The following WAC variants were observed in gnomAD, a reference collection of about 807,000 sequenced individuals.
The protein encoded by WAC is WW domain-containing adapter protein with coiled-coil.
WAC carries 11 observed loss-of-function variants against 79.6 expected under a neutral mutation model. That is an observed-to-expected ratio of 0.14 (90% CI 0.09 to 0.23). WAC has a LOEUF of 0.23. WAC is among the 10% of genes least tolerant of loss of function. The probability of loss-of-function intolerance (pLI) is 1.00; values close to 1 mark genes in which losing one functional copy is unlikely to be tolerated. For synonymous variants in WAC, 304 were observed against 276.9 expected (o/e 1.10, Z -0.97); for missense variants, 728 against 773.5 (o/e 0.94, Z 0.70).
chr10:28,549,541 C>T (rs1329299117), intron 3 of WAC, among the ~76,000 whole-genome samples: 1 of 152,182 alleles, frequency 6.6e-6, no homozygotes, highest in Non-Finnish European at 1.5e-5. Flanking sequence ...TTCCAGAACT[C>T]ATTGCCCTGT....
chr10:28,611,038 G>GAATAC, intron 9 of WAC: 1 of 599,590 alleles, frequency 1.7e-6, no homozygotes, highest in Non-Finnish European at 2.7e-6. Context: ...TTTGTCTTAA[G>GAATAC]GTATTGCCAT....
At chr10:28,599,030 CTG>C (rs1337132286) in intron 7 of WAC, among the ~76,000 whole-genome samples, 1 of 152,104 alleles carries the variant, frequency 6.6e-6, no homozygotes, top group Non-Finnish European at 1.5e-5. Context: ...TCCATTTAGT[CTG>C]TTTAGATTGT....
intron 3 of WAC, among the ~76,000 whole-genome samples, chr10:28,556,440 T>C (rs960706162): frequency 6.8e-6 from 1 of 146,760 alleles, no homozygotes; most frequent in African/African-American, 2.5e-5. Context: ...GAGTTCCTTA[T>C]AGATTTTGGA....
chr10:28,556,185 T>A (rs148082577), intron 3 of WAC, among the ~76,000 whole-genome samples: 1 of 152,268 alleles, frequency 6.6e-6, no homozygotes, highest in African/African-American at 2.4e-5. Flanking sequence ...CCACCAATAG[T>A]GTACAAAGGT....
At chr10:28,535,363 A>G (rs908280200) in intron 2 of WAC, 199 bp from the exon 3 acceptor site, 5 of 381,194 alleles carry the variant, frequency 1.3e-5, no homozygotes, top group African/African-American at 2.2e-5. Flanking sequence ...GTGATTTGTT[A>G]TCAGGAGTCT....
At chr10:28,566,724 A>G (rs574661368) in intron 3 of WAC, among the ~76,000 whole-genome samples, 17 of 152,332 alleles carry the variant, frequency 1.1e-4, no homozygotes, top group Admixed American at 3.9e-4. Context: ...GAAAAGTCCA[A>G]GGTCAGCCCA....
chr10:28,547,733 C>T (rs950143691), intron 3 of WAC, among the ~76,000 whole-genome samples: 2 of 151,634 alleles, frequency 1.3e-5, no homozygotes, highest in Non-Finnish European at 2.9e-5. Flanking sequence ...GGATAGATAC[C>T]CATTGGGATG....
intron 6 of WAC, 126 bp from the exon 7 acceptor site, chr10:28,595,607 T>C: frequency 1.1e-6 from 1 of 950,866 alleles, no homozygotes; most frequent in East Asian, 2.6e-5. Context: ...TGCAGTTTTA[T>C]AAAAGAATAT....
chr10:28,573,755 G>C (rs1238854513), intron 3 of WAC, among the ~76,000 whole-genome samples: 2 of 152,126 alleles, frequency 1.3e-5, no homozygotes, highest in Non-Finnish European at 2.9e-5. Flanking sequence ...CATTTGAAGT[G>C]TATAGTTCAC....
chr10:28,593,743 A>G (rs1962927401), intron 6 of WAC, among the ~76,000 whole-genome samples: 1 of 149,570 alleles, frequency 6.7e-6, no homozygotes, highest in Non-Finnish European at 1.5e-5. Context: ...AAAAAAAAAA[A>G]TAAAATATTT....
rs569124090 is a variant in WAC, at chr10:28,620,271, T to C, written c.*665T>C. The C allele has an allele frequency of 6.5e-6, 1 of 152,796 alleles. No homozygotes were observed. The highest frequency in any genetic ancestry group is 1.5e-5 in the Non-Finnish European group (1 of 68,050). 9.5% of individuals were successfully genotyped at this position (152,796 alleles called of 1,614,324 possible). ...TTAAGGCACTGTTGCTATGGCACTT[T>C]TCTATAACCTTTTCATTCCTGTGTA... is the stretch of plus-strand genomic sequence containing the variant. On this transcript the variant is annotated 3_prime_UTR_variant, in exon 14 of 14. Transcript: ENST00000354911.
intron 7 of WAC, among the ~76,000 whole-genome samples, chr10:28,598,875 A>G (rs960891956): frequency 2.0e-5 from 3 of 152,226 alleles, no homozygotes; most frequent in African/African-American, 4.8e-5. Context: ...ACTTGTAGGA[A>G]GAAACTCGAT....
chr10:28,541,302 GA>G (rs1837006824), intron 3 of WAC, among the ~76,000 whole-genome samples: 1 of 151,548 alleles, frequency 6.6e-6, no homozygotes, highest in Non-Finnish European at 1.5e-5. Flanking sequence ...ATGCTGGAAA[GA>G]GTGAAGATGG....
intron 3 of WAC, among the ~76,000 whole-genome samples, chr10:28,576,143 CCTTGT>C (rs1403736519): frequency 6.6e-6 from 1 of 152,170 alleles, no homozygotes; most frequent in Non-Finnish European, 1.5e-5. Context: ...CAGAACGTAT[CCTTGT>C]CTTTAAGCAG....
chr10:28,619,675 T>A lies in WAC; in HGVS notation c.*69T>A. 7.3e-7 allele frequency: 1 copy of A among 1,362,262 alleles called. No individual in the cohort carries two copies. Among genetic ancestry groups the A allele is most frequent in the Non-Finnish European group, 9.9e-7 (1 of 1,006,916 alleles). 84.4% of individuals were successfully genotyped at this position (1,362,262 alleles called of 1,614,324 possible). Reference sequence around the variant, plus strand: ...ATCTGTTGCCCAATCTTAACATTTTTGAGCTGCATTTAAGTAGACTTTGGA... The same window carrying A: ...ATCTGTTGCCCAATCTTAACATTTTAGAGCTGCATTTAAGTAGACTTTGGA... On this transcript the variant is annotated 3_prime_UTR_variant, in exon 14 of 14. Transcript: ENST00000354911.
At chr10:28,603,942 A>AAAAATATATAT (rs1554789523) in intron 7 of WAC, among the ~76,000 whole-genome samples, 1 of 21,984 alleles carries the variant, frequency 4.5e-5, no homozygotes, top group Non-Finnish European at 7.1e-5. Context: ...TCAAAAAAAA[A>AAAAATATATAT]ATATATATAT....
Position 28,583,613 on chromosome 10 carries a change from A to T in WAC, c.381+108A>T, listed in dbSNP as rs370134477. 2.1e-4 allele frequency: 160 copies of T among 764,258 alleles called. 1 individual carries two copies. In the Middle Eastern group the frequency reaches 3.0e-3, roughly 14 times the overall value. The allele number at this position is 764,258 out of a possible 1,614,324, so 47.3% of individuals were successfully genotyped here. ...TGTAAAATCTAATGTCTTTTTTTTTAAAAATGTTTCAATCACAGTCTTAAT... is the reference window on the plus strand; with the variant it reads ...TGTAAAATCTAATGTCTTTTTTTTTTAAAATGTTTCAATCACAGTCTTAAT... On this transcript the variant is annotated intron_variant, in intron 4 of 13. Transcript: ENST00000354911.
At chr10:28,535,371 T>G in intron 2 of WAC, 191 bp from the exon 3 acceptor site, 1 of 479,084 alleles carries the variant, frequency 2.1e-6, no homozygotes, top group East Asian at 4.0e-5. Flanking sequence ...TTATCAGGAG[T>G]CTTATTGTAA....
At chr10:28,573,427 T>C (rs1341165162) in intron 3 of WAC, among the ~76,000 whole-genome samples, 2 of 152,100 alleles carry the variant, frequency 1.3e-5, no homozygotes, top group African/African-American at 2.4e-5. Flanking sequence ...TTTCACTTAG[T>C]GTTTGCAAAG....
Sources: gnomAD v4.1 joint callset for allele counts (sites outside exome capture counted in the v4.1 genomes callset) on GRCh38, gnomAD v4.1.1 for gene constraint, MANE v1.5 for transcripts, NCBI Gene and HGNC (gene_info 2026-07-23, HGNC 2026-07-21) for gene names.